CFAP43: variants seen among roughly 807,000 people sequenced by gnomAD.
The protein encoded by CFAP43 is cilia- and flagella-associated protein 43.
A neutral mutation model predicts 218.9 loss-of-function variants in CFAP43; 155 were observed. That is an observed-to-expected ratio of 0.71 (90% confidence interval 0.62 to 0.81). The LOEUF is 0.81. Ranked by LOEUF, CFAP43 falls within the 30% of genes least tolerant of loss-of-function variation. CFAP43 has a pLI of 0.00. For missense variants in CFAP43, 1,778 were observed against 1,954.3 expected, an observed-to-expected ratio of 0.91 and a Z score of 1.70; for synonymous variants, 645 against 681.3, an observed-to-expected ratio of 0.95 and a Z score of 0.83.
intron 16 of CFAP43, among the ~76,000 whole-genome samples, chr10:104,184,202 G>T (rs1480588631): frequency 6.6e-6 from 1 of 152,148 alleles, no homozygotes; most frequent in Non-Finnish European, 1.5e-5. Flanking sequence ...ACCATGGGAG[G>T]AATTTCGTTT....
chr10:104,180,190 T>G (rs2134871173), intron 17 of CFAP43, among the ~76,000 whole-genome samples: 1 of 152,330 alleles, frequency 6.6e-6, no homozygotes, highest in East Asian at 1.9e-4. Context: ...ACTCTTTGCC[T>G]TCTTTGTTAC....
intron 2 of CFAP43, among the ~76,000 whole-genome samples, chr10:104,228,757 T>C (rs549753058): frequency 1.3e-5 from 2 of 152,348 alleles, no homozygotes; most frequent in African/African-American, 4.8e-5. Context: ...GTTCTAATTG[T>C]ATGGGTACTT....
chr10:104,181,595 G>A (rs1189823169), intron 17 of CFAP43, among the ~76,000 whole-genome samples: 1 of 152,108 alleles, frequency 6.6e-6, no homozygotes, highest in Non-Finnish European at 1.5e-5. Flanking sequence ...CTCCCACTTT[G>A]AAGACCTCAC....
intron 5 of CFAP43, among the ~76,000 whole-genome samples, chr10:104,208,248 T>C (rs1350440189): frequency 6.6e-6 from 1 of 152,170 alleles, no homozygotes; most frequent in African/African-American, 2.4e-5. Context: ...ACATCTAACC[T>C]TAAACTATAA....
rs905638605 is a variant in CFAP43, at chr10:104,133,711, C to T, written c.4505G>A (p.Trp1502Ter). Reference protein sequence around the residue: ...DVHKRILQIEWEHKKMEMERE... With the variant: ...DVHKRILQIE ...TTCCATCTCCATTTTCTTATGTTCC[C>T]ACTCAATCTGAAGTATTCTTTTGTG... Residue 1502 changes from tryptophan to a stop codon, truncating the protein, a stop_gained, in exon 35 of 38, where the codon TGG becomes TAG. Coordinates refer to ENST00000357060, the MANE Select transcript of CFAP43 (RefSeq NM_025145.7). LOFTEE classifies it high-confidence loss of function. The T allele has an allele frequency of 1.9e-6, 3 of 1,613,578 alleles. No homozygotes were observed. Among genetic ancestry groups the T allele is most frequent in the Non-Finnish European group, 2.5e-6 (3 of 1,179,770 alleles).
In CFAP43 at chr10:104,133,455, C is replaced by A. The variant is rs1303850528; in HGVS notation, c.4596+165G>T. 5.8e-5 allele frequency: 40 copies of A among 694,912 alleles called. No homozygotes were observed. The South Asian group carries it at 1.0e-3, about 17-fold the overall frequency. The allele number at this position is 694,912 out of a possible 1,614,324, so 43.0% of individuals were successfully genotyped here. A position where few individuals can be genotyped will look rare whatever the true frequency, so the allele number is the denominator to read the frequency against. On this transcript the variant is annotated intron_variant, in intron 35 of 37. Coordinates refer to ENST00000357060, the MANE Select transcript of CFAP43 (RefSeq NM_025145.7). The stretch of plus-strand genomic sequence containing the variant: ...ATGGGTCATGAAGAACTGGAGGCTG[C>A]AAATGTAAACTGTTGGAAGAAAAAT...
intron 26 of CFAP43, 97 bp from the exon 27 acceptor site, chr10:104,161,259 A>T (rs2088855680): frequency 5.2e-6 from 7 of 1,341,934 alleles, no homozygotes; most frequent in African/African-American, 1.5e-5. Context: ...CTTTAAAAGG[A>T]TACAGTCCTT....
At chr10:104,182,301 C>A in intron 17 of CFAP43, 65 bp downstream of exon 17, 1 of 1,454,886 alleles carries the variant, frequency 6.9e-7, no homozygotes, top group Non-Finnish European at 9.1e-7. Context: ...AAACCACAAA[C>A]CGAAAACTTC....
At chr10:104,232,044 G>T in intron 1 of CFAP43, 138 bp downstream of exon 1, 1 of 896,914 alleles carries the variant, frequency 1.1e-6, no homozygotes, top group Non-Finnish European at 1.7e-6. Context: ...CTGAGGGAAG[G>T]CACTGGGGGC....
In CFAP43 at chr10:104,129,976, G is replaced by T; in HGVS notation, c.*163C>A. 2.6e-6 allele frequency: 2 copies of T among 768,426 alleles called. No homozygotes were observed. Among genetic ancestry groups the T allele is most frequent in the Non-Finnish European group, 3.8e-6 (2 of 523,956 alleles). The allele number at this position is 768,426 out of a possible 1,614,324, so 47.6% of individuals were successfully genotyped here. A position where few individuals can be genotyped will look rare whatever the true frequency, so the allele number is the denominator to read the frequency against. On this transcript the variant is annotated 3_prime_UTR_variant, in exon 38 of 38. Transcript: ENST00000357060. ...ATTTATTCATGCAGGACAAAAATTT[G>T]TATACAATTAAGGCTAAAATTAAAC...
intron 21 of CFAP43, among the ~76,000 whole-genome samples, chr10:104,168,433 C>A (rs1344939883): frequency 2.0e-5 from 3 of 152,148 alleles, no homozygotes; most frequent in Non-Finnish European, 4.4e-5. Context: ...GTCTACCTTT[C>A]AATCTGTGTG....
intron 33 of CFAP43, among the ~76,000 whole-genome samples, chr10:104,141,592 CAG>C (rs377708808): frequency 5.0e-4 from 76 of 152,232 alleles, no homozygotes; most frequent in African/African-American, 1.8e-3. Flanking sequence ...GCTTGTGTGA[CAG>C]AGTGAGGCTC....
chr10:104,135,696 CA>C (rs1454976418), intron 34 of CFAP43, among the ~76,000 whole-genome samples: 1 of 152,018 alleles, frequency 6.6e-6, no homozygotes, highest in African/African-American at 2.4e-5. Flanking sequence ...AAGAAACCTA[CA>C]AAATATTACT....
intron 21 of CFAP43, 60 bp from the exon 22 acceptor site, chr10:104,167,797 G>A (rs2089237211): frequency 8.2e-7 from 1 of 1,214,908 alleles, no homozygotes; most frequent in African/African-American, 1.5e-5. Context: ...TGTGTATCTG[G>A]GGTTGAGTAG....
In CFAP43 at chr10:104,130,040, A is replaced by T; in HGVS notation, c.*99T>A. On this transcript the variant is annotated 3_prime_UTR_variant, in exon 38 of 38. Transcript: ENST00000357060. ...AAACATGCAACTCAGAGGACATGCT[A>T]CTTCAATTTCCCAGTAAGAAAGAAA... 2 of 1,368,466 alleles carry T rather than the reference A, an allele frequency of 1.5e-6. No homozygotes were observed. Among genetic ancestry groups the T allele is most frequent in the Non-Finnish European group, 1.9e-6 (2 of 1,029,614 alleles). 84.8% of individuals were successfully genotyped at this position (1,368,466 alleles called of 1,614,324 possible). A position where few individuals can be genotyped will look rare whatever the true frequency, so the allele number is the denominator to read the frequency against.
chr10:104,146,419 C>T (rs1023014070), intron 29 of CFAP43, 70 bp from the exon 30 acceptor site: 1 of 1,135,482 alleles, frequency 8.8e-7, no homozygotes, highest in Admixed American at 1.7e-5. Context: ...ATTGGGGATA[C>T]TAAAAAGAGC....
chr10:104,197,756 G>C (rs1246805336), intron 9 of CFAP43, among the ~76,000 whole-genome samples, 166 bp downstream of exon 9: 1 of 152,208 alleles, frequency 6.6e-6, no homozygotes, highest in African/African-American at 2.4e-5. Flanking sequence ...GAAGATGGAA[G>C]TGTCTGGCAT....
chr10:104,229,628 C>T (rs1390112718), intron 2 of CFAP43, among the ~76,000 whole-genome samples: 2 of 152,202 alleles, frequency 1.3e-5, no homozygotes, highest in East Asian at 1.9e-4. Context: ...CATGCCACTG[C>T]ACTCCAGCCT....
At chr10:104,166,837 C>G in intron 22 of CFAP43, 119 bp from the exon 23 acceptor site, 9 of 887,512 alleles carry the variant, frequency 1.0e-5, no homozygotes, top group Non-Finnish European at 1.5e-5. Flanking sequence ...GTCTTGCCAA[C>G]AACTGAATTC....
Sources: allele counts gnomAD v4.1 joint callset (sites outside exome capture counted in the v4.1 genomes callset), GRCh38; gene constraint gnomAD v4.1.1; transcripts MANE v1.5; gene names NCBI Gene and HGNC (gene_info 2026-07-23, HGNC 2026-07-21).